Variants in CD82 observed in about 807,000 individuals in gnomAD.
CD82 encodes the protein CD82 antigen.
In CD82, 36 loss-of-function variants were observed where a neutral mutation model predicts 37.4. That is an observed-to-expected ratio of 0.96 (90% CI 0.74 to 1.27). CD82 has a LOEUF of 1.27. CD82 is among the 50% of genes most tolerant of loss of function. The pLI is 0.00. For missense variants in CD82, 340 were observed against 347.0 expected, an observed-to-expected ratio of 0.98 and a Z score of 0.16; for synonymous variants, 158 against 137.4, an observed-to-expected ratio of 1.15 and a Z score of -1.05.
At chr11:44,574,124 G>A (rs1852854183) in intron 1 of CD82, among the ~76,000 whole-genome samples, 1 of 152,150 alleles carries the variant, frequency 6.6e-6, no homozygotes, top group Non-Finnish European at 1.5e-5. Context: ...ATTCTCTGTA[G>A]TCTTGGTCCC....
At chr11:44,614,203 G>A (rs1853527990) in intron 6 of CD82, among the ~76,000 whole-genome samples, 1 of 152,148 alleles carries the variant, frequency 6.6e-6, no homozygotes, top group Non-Finnish European at 1.5e-5. Flanking sequence ...TGACCATATA[G>A]TTGATACCGA....
chr11:44,604,455 G>C (rs997034755), intron 4 of CD82: 1 of 158,236 alleles, frequency 6.3e-6, no homozygotes, highest in Non-Finnish European at 1.4e-5. Flanking sequence ...TGCCAGGCAG[G>C]GTGATGTCAG....
Position 44,619,959 on chromosome 11 carries a change from C to T in CD82, c.*833C>T, listed in dbSNP as rs1853640289. ...TTTTACCTGATATTAAGGGGTGGCA[C>T]CCCTTCCCCAGGCCTGATGCAGGTC... On this transcript the variant is annotated 3_prime_UTR_variant, in exon 10 of 10. Coordinates refer to ENST00000227155, the MANE Select transcript of CD82 (RefSeq NM_002231.4). 1 of 149,164 alleles carries T rather than the reference C, an allele frequency of 6.7e-6. No individual in the cohort carries two copies. The highest frequency in any genetic ancestry group is 2.5e-5 in the African/African-American group (1 of 40,338). 9.2% of individuals were successfully genotyped at this position (149,164 alleles called of 1,614,324 possible).
chr11:44,618,744 C>A lies in CD82; in HGVS notation c.726+21C>A, dbSNP rs375672218. On this transcript the variant is annotated intron_variant, in intron 9 of 9. Transcript: ENST00000227155. The stretch of plus-strand genomic sequence containing the variant: ...TCGAGGTCTGAGCCCCCTCCCCCAT[C>A]CCTTCTCCATCCCAGGTCCTCCTGG... 12 of 1,595,204 alleles carry A rather than the reference C, an allele frequency of 7.5e-6. No homozygotes were observed. In the African/African-American group the frequency reaches 1.3e-4, roughly 18 times the overall value.
At chr11:44,605,517 C>A in intron 6 of CD82, 88 bp downstream of exon 6, 2 of 1,221,914 alleles carry the variant, frequency 1.6e-6, no homozygotes, top group Non-Finnish European at 1.2e-6. Context: ...AGGAACCCCC[C>A]CAGTTGTCAC....
chr11:44,578,308 C>G (rs544545023), intron 1 of CD82, among the ~76,000 whole-genome samples: 17 of 152,294 alleles, frequency 1.1e-4, no homozygotes, highest in African/African-American at 4.1e-4. Context: ...CTCCTATATT[C>G]CTGTGGGAAG....
intron 6 of CD82, among the ~76,000 whole-genome samples, chr11:44,611,618 C>T (rs11820017): frequency 0.22 from 34,142 of 152,122 alleles, 5,007 homozygotes; most frequent in African/African-American, 0.42. Flanking sequence ...AACAATGGAG[C>T]GGTCCCTGGG....
In CD82 at chr11:44,597,950, C is replaced by T. The variant is rs1223277477; in HGVS notation, c.64-2208C>T. On this transcript the variant is annotated intron_variant, in intron 3 of 9. Coordinates refer to ENST00000227155, the MANE Select transcript of CD82 (RefSeq NM_002231.4). This position sits in a 1 kb window ranked among gnomAD's most constrained non-coding sequence, Gnocchi z 4.1. ...ACCTTCCAGCAGACTCTTCTCCTCC[C>T]CAGTGTCTCAGGGGCTTTTCTGTCC... Among the ~76,000 whole-genome samples the T allele has an allele frequency of 6.6e-6, 1 of 152,200 alleles. No homozygotes were observed. Among genetic ancestry groups the T allele is most frequent in the Non-Finnish European group, 1.5e-5 (1 of 68,040 alleles).
At chr11:44,564,638 G>T, upstream of CD82, 1 of 394,252 alleles carries the variant, frequency 2.5e-6, no homozygotes, top group Non-Finnish European at 5.1e-6. Flanking sequence ...GAGAAAGCCA[G>T]CTTTGAGGGC....
At chr11:44,571,511 A>G (rs1463896084) in intron 1 of CD82, among the ~76,000 whole-genome samples, 1 of 152,246 alleles carries the variant, frequency 6.6e-6, no homozygotes, top group Non-Finnish European at 1.5e-5. Flanking sequence ...GAAGCATTTA[A>G]GACAGCGCCT....
At chr11:44,615,491 G>A in intron 7 of CD82, 118 bp downstream of exon 7, 1 of 678,284 alleles carries the variant, frequency 1.5e-6, no homozygotes, top group Non-Finnish European at 2.7e-6. Flanking sequence ...CTGACAGTTT[G>A]TAGGAGAGTG....
chr11:44,596,846 C>A, intron 3 of CD82: 1 of 454,296 alleles, frequency 2.2e-6, no homozygotes, highest in Admixed American at 2.4e-5. Context: ...GAGCTTGTGT[C>A]CTAGGGAGCA....
chr11:44,603,984 G>A (rs1853351992), intron 4 of CD82, among the ~76,000 whole-genome samples: 4 of 152,192 alleles, frequency 2.6e-5, no homozygotes, highest in Non-Finnish European at 5.9e-5. Flanking sequence ...TGCCTGGAAT[G>A]CTTTTCTTAC....
chr11:44,619,510 C>G lies in CD82; in HGVS notation c.*384C>G, dbSNP rs948793026. ...GGGCGCGGTGGCTCACGCCTGTAATCCCAGCACTTTGGGAGGCCGAGGCGG... is the reference window on the plus strand; with the variant it reads ...GGGCGCGGTGGCTCACGCCTGTAATGCCAGCACTTTGGGAGGCCGAGGCGG... On this transcript the variant is annotated 3_prime_UTR_variant, in exon 10 of 10. Coordinates refer to ENST00000227155, the MANE Select transcript of CD82 (RefSeq NM_002231.4). The G allele has an allele frequency of 5.9e-6, 1 of 168,394 alleles. No individual in the cohort carries two copies. Among genetic ancestry groups the G allele is most frequent in the Non-Finnish European group, 1.3e-5 (1 of 77,906 alleles). 10.4% of individuals were successfully genotyped at this position (168,394 alleles called of 1,614,324 possible).
chr11:44,565,396 T>G (rs117429934), upstream of CD82, among the ~76,000 whole-genome samples: 3,421 of 150,682 alleles, frequency 0.023, 71 homozygotes, highest in East Asian at 0.11. Context: ...TAATCCCCAG[T>G]GTAACCTGGG....
chr11:44,600,902 C>T (rs1349229335), intron 4 of CD82, among the ~76,000 whole-genome samples: 3 of 150,946 alleles, frequency 2.0e-5, no homozygotes, highest in African/African-American at 7.3e-5. Context: ...GTGTGGGACT[C>T]GAACTCCAAG....
chr11:44,593,390 G>T (rs1853173627), intron 2 of CD82, among the ~76,000 whole-genome samples: 1 of 152,228 alleles, frequency 6.6e-6, no homozygotes, highest in Non-Finnish European at 1.5e-5. Flanking sequence ...GCTGTCCCAG[G>T]CCAGCTGTCC....
intron 6 of CD82, among the ~76,000 whole-genome samples, chr11:44,610,792 C>T (rs78653541): frequency 0.016 from 2,441 of 152,312 alleles, 76 homozygotes; most frequent in African/African-American, 0.057. Context: ...TCAACCTATG[C>T]AGTCACACAG....
chr11:44,578,768 AG>A (rs1428981366), intron 1 of CD82, among the ~76,000 whole-genome samples: 1 of 152,074 alleles, frequency 6.6e-6, no homozygotes, highest in Non-Finnish European at 1.5e-5. Flanking sequence ...GGACTGGACC[AG>A]GGGGGATGGG....
Sources: allele counts gnomAD v4.1 joint callset (sites outside exome capture counted in the v4.1 genomes callset), GRCh38; gene constraint gnomAD v4.1.1; non-coding constraint Gnocchi (gnomAD v3.1); transcripts MANE v1.5; gene names NCBI Gene and HGNC (gene_info 2026-07-23, HGNC 2026-07-21).